The following ETV7 variants were observed in gnomAD, a reference collection of about 807,000 sequenced individuals.
The protein encoded by ETV7 is ETS variant transcription factor 7.
In ETV7, 43 loss-of-function variants were observed where a neutral mutation model predicts 39.1. That is an observed-to-expected ratio of 1.10 (90% confidence interval 0.86 to 1.42). ETV7 has a LOEUF of 1.42. ETV7 is among the 40% of genes most tolerant of loss of function. The probability of loss-of-function intolerance (pLI) is 0.00; values close to 1 mark genes in which losing one functional copy is unlikely to be tolerated. For synonymous variants in ETV7, 196 were observed against 176.6 expected (o/e 1.11, Z -0.87); for missense variants, 432 against 442.3 (o/e 0.98, Z 0.21).
intron 2 of ETV7, 32 bp from the exon 3 acceptor site, chr6:36,376,067 C>T: frequency 6.4e-7 from 1 of 1,570,404 alleles, no homozygotes; most frequent in Non-Finnish European, 8.6e-7. Flanking sequence ...CCCATCACTC[C>T]CCGTCGGGCC....
chr6:36,374,098 C>T (rs1013131650), intron 3 of ETV7, among the ~76,000 whole-genome samples: 1 of 152,140 alleles, frequency 6.6e-6, no homozygotes, highest in Admixed American at 6.5e-5. Flanking sequence ...TGGCTCACAC[C>T]TGTAATCCCA....
chr6:36,379,280 G>A (rs1442556597), intron 2 of ETV7, among the ~76,000 whole-genome samples: 1 of 152,222 alleles, frequency 6.6e-6, no homozygotes, highest in African/African-American at 2.4e-5. Flanking sequence ...GGTGGCTGAG[G>A]CCTATAATTC....
At chr6:36,360,900 CA>C (rs775160669) in intron 7 of ETV7, among the ~76,000 whole-genome samples, 36 of 152,312 alleles carry the variant, frequency 2.4e-4, no homozygotes, top group Non-Finnish European at 4.4e-4. Flanking sequence ...AAGCCGAATT[CA>C]CTAGCACCAC....
intron 2 of ETV7, among the ~76,000 whole-genome samples, chr6:36,381,905 G>A (rs771802460): frequency 9.9e-5 from 15 of 152,210 alleles, no homozygotes; most frequent in Non-Finnish European, 2.1e-4. Flanking sequence ...CCTGCATTTA[G>A]GGAGGGGAGA....
At chr6:36,383,777 A>G (rs1471432871) in intron 2 of ETV7, among the ~76,000 whole-genome samples, 1 of 152,246 alleles carries the variant, frequency 6.6e-6, no homozygotes, top group Non-Finnish European at 1.5e-5. Flanking sequence ...TAAGGGCCAG[A>G]ACTGTATTGT....
intron 6 of ETV7, among the ~76,000 whole-genome samples, chr6:36,368,590 A>G (rs1357513887): frequency 6.6e-6 from 1 of 152,112 alleles, no homozygotes; most frequent in East Asian, 1.9e-4. Flanking sequence ...TGGGCCTGAG[A>G]CCTGGGTTTC....
chr6:36,356,350 CACAA>C (rs1373394392), intron 7 of ETV7, among the ~76,000 whole-genome samples: 3 of 133,788 alleles, frequency 2.2e-5, no homozygotes, highest in Non-Finnish European at 4.9e-5. Flanking sequence ...CAAAAAAAAA[CACAA>C]ACAAACACAC....
chr6:36,368,022 C>G (rs750774785), intron 6 of ETV7, among the ~76,000 whole-genome samples: 1 of 152,188 alleles, frequency 6.6e-6, no homozygotes, highest in Non-Finnish European at 1.5e-5. Context: ...TCCTCCCGAA[C>G]TTTAGTCATC....
chr6:36,378,941 T>C (rs1313292871), intron 2 of ETV7, among the ~76,000 whole-genome samples: 1 of 152,188 alleles, frequency 6.6e-6, no homozygotes, highest in Non-Finnish European at 1.5e-5. Context: ...AAATGTACCA[T>C]CAGAGAAGAA....
chr6:36,355,504 C>T (rs989247953), intron 7 of ETV7, among the ~76,000 whole-genome samples: 15 of 152,088 alleles, frequency 9.9e-5, no homozygotes, highest in Admixed American at 2.6e-4. Flanking sequence ...CTCTGCCTCT[C>T]GGGTTCAAGT....
Position 36,371,383 on chromosome 6 carries a change from C to T in ETV7, c.611G>A (p.Gly204Glu), listed in dbSNP as rs761380926. The T allele has an allele frequency of 9.4e-6, 15 of 1,601,746 alleles. No individual in the cohort carries two copies. Among genetic ancestry groups the T allele is most frequent in the Non-Finnish European group, 1.2e-5 (14 of 1,173,518 alleles). The part of the protein sequence containing the change: ...HCAELGCRTQ[G>E]VCSFPAMPQA... Reference sequence around the variant, plus strand: ...CGGCATCGCGGGGAAGGAACAGACCCCCTGGGTCCTGCAGCCGAGCTCTGC... The same window carrying T: ...CGGCATCGCGGGGAAGGAACAGACCTCCTGGGTCCTGCAGCCGAGCTCTGC... The change falls in exon 5 of 8, where the codon GGG becomes GAG. Residue 204 changes from glycine to glutamate, a missense_variant. Gly to Glu is a moderately conservative substitution (Grantham distance 98). Coordinates refer to ENST00000340181, the MANE Select transcript of ETV7 (RefSeq NM_016135.4).
chr6:36,366,488 A>G lies in ETV7; in HGVS notation c.*157T>C. 1 of 1,507,100 alleles carries G rather than the reference A, an allele frequency of 6.6e-7. No homozygotes were observed. The allele number at this position is 1,507,100 out of a possible 1,614,324, so 93.4% of individuals were successfully genotyped here. Reference sequence around the variant, plus strand: ...GACACTCCTGCCCCCAGTGTCCTGGATGGGAGGCCTCCCAGCCTTCCCAAG... The same window carrying G: ...GACACTCCTGCCCCCAGTGTCCTGGGTGGGAGGCCTCCCAGCCTTCCCAAG... On this transcript the variant is annotated 3_prime_UTR_variant, in exon 8 of 8. Transcript: ENST00000340181.
At chr6:36,387,299 G>A (rs1773958724) in intron 1 of ETV7, among the ~76,000 whole-genome samples, 2 of 152,320 alleles carry the variant, frequency 1.3e-5, no homozygotes, top group South Asian at 4.1e-4. Context: ...GGGGCTGTGC[G>A]TGATGCCTTC....
At chr6:36,376,542 C>T (rs1236405866) in intron 2 of ETV7, among the ~76,000 whole-genome samples, 3 of 152,116 alleles carry the variant, frequency 2.0e-5, no homozygotes, top group African/African-American at 4.8e-5. Flanking sequence ...TTTTGGGAGG[C>T]CGAGGCGGGT....
At chr6:36,363,547 C>G (rs912392047), downstream of ETV7, among the ~76,000 whole-genome samples, 29 of 152,254 alleles carry the variant, frequency 1.9e-4, no homozygotes, top group Non-Finnish European at 3.7e-4. Context: ...AGCGTTACAG[C>G]TAATAAAAGC....
chr6:36,360,636 C>G (rs1357786466), intron 7 of ETV7, among the ~76,000 whole-genome samples: 1 of 152,132 alleles, frequency 6.6e-6, no homozygotes, highest in Admixed American at 6.5e-5. Flanking sequence ...AGTCAGCCAC[C>G]GCCCGGCCCC....
intron 1 of ETV7, among the ~76,000 whole-genome samples, chr6:36,387,184 G>A (rs1305407000): frequency 6.6e-6 from 1 of 152,176 alleles, no homozygotes; most frequent in Non-Finnish European, 1.5e-5. Context: ...GCGAGAATGC[G>A]TTCACCAGCT....
chr6:36,379,962 A>T (rs1016096447), intron 2 of ETV7, among the ~76,000 whole-genome samples: 1 of 152,156 alleles, frequency 6.6e-6, no homozygotes, highest in Non-Finnish European at 1.5e-5. Flanking sequence ...TGTGACCTAA[A>T]TGACAGTACC....
At chr6:36,375,833 G>A (rs1413511324) in intron 3 of ETV7, 38 bp downstream of exon 3, 3 of 1,613,030 alleles carry the variant, frequency 1.9e-6, no homozygotes, top group Non-Finnish European at 2.5e-6. Flanking sequence ...GGCCTACCAG[G>A]GTTCCCGCTT....
Sources: allele counts gnomAD v4.1 joint callset (sites outside exome capture counted in the v4.1 genomes callset), GRCh38; gene constraint gnomAD v4.1.1; transcripts MANE v1.5; gene names NCBI Gene and HGNC (gene_info 2026-07-23, HGNC 2026-07-21).